The following RSPO2 variants were observed in gnomAD, a reference collection of about 807,000 sequenced individuals.
RSPO2 encodes R-spondin 2.
In RSPO2, 14 loss-of-function variants were observed where a neutral mutation model predicts 30.9. The ratio of observed to expected loss-of-function variants is 0.45; its 90% CI spans 0.30 to 0.71. The LOEUF (loss-of-function observed/expected upper bound fraction) is 0.71. Among genes scored for constraint, RSPO2 ranks in the 30% least tolerant of loss-of-function variants. The pLI, the probability that RSPO2 is intolerant of heterozygous loss-of-function variation, is 0.08. For synonymous variants in RSPO2, 107 were observed against 96.4 expected (o/e 1.11, Z -0.64); for missense variants, 264 against 301.9 (o/e 0.87, Z 0.93).
chr8:107,932,932 TG>T (rs1427559209), intron 5 of RSPO2, among the ~76,000 whole-genome samples: 1 of 152,132 alleles, frequency 6.6e-6, no homozygotes, highest in Non-Finnish European at 1.5e-5. Context: ...AAAACTTTGA[TG>T]TACTAGAAGG....
At chr8:107,961,653 G>A (rs1280146475) in intron 3 of RSPO2, among the ~76,000 whole-genome samples, 6 of 152,096 alleles carry the variant, frequency 3.9e-5, no homozygotes. Context: ...TGTAACTTTA[G>A]ACAACTATAT....
intron 3 of RSPO2, among the ~76,000 whole-genome samples, chr8:107,969,340 C>CA (rs1813921008): frequency 6.6e-6 from 1 of 151,988 alleles, no homozygotes; most frequent in Admixed American, 6.6e-5. Flanking sequence ...TATATGCTGT[C>CA]AAAAAATGTA....
intron 2 of RSPO2, among the ~76,000 whole-genome samples, chr8:108,066,409 G>A (rs1398717864): frequency 6.6e-6 from 1 of 151,970 alleles, no homozygotes; most frequent in Non-Finnish European, 1.5e-5. Context: ...CAGGTTTCCA[G>A]AAGGTTTGCA....
rs1242607698 is a variant in RSPO2, at chr8:107,975,965, G to A, written c.283+13091C>T. ...GTCCACCCCATCAAGTGACGGCCAG[G>A]GTATTAACCAGCTGGTAGCCACTCC... is the stretch of plus-strand genomic sequence containing the variant. On this transcript the variant is annotated intron_variant, in intron 3 of 5. Transcript: ENST00000276659. Among the ~76,000 whole-genome samples, 5 of 152,170 alleles carry A rather than the reference G, an allele frequency of 3.3e-5. No homozygotes were observed. In the East Asian group the frequency reaches 9.6e-4, roughly 29 times the overall value.
At chr8:107,974,364 T>C (rs538588591) in intron 3 of RSPO2, among the ~76,000 whole-genome samples, 1 of 151,598 alleles carries the variant, frequency 6.6e-6, no homozygotes, top group East Asian at 1.9e-4. Flanking sequence ...AAAGAAAAAT[T>C]AGCTGGGCAT....
At chr8:107,915,119 T>C (rs1811939540) in intron 5 of RSPO2, among the ~76,000 whole-genome samples, 1 of 152,198 alleles carries the variant, frequency 6.6e-6, no homozygotes, top group Non-Finnish European at 1.5e-5. Flanking sequence ...ATCTAAAATA[T>C]ACTTTTCCAT....
Position 107,900,954 on chromosome 8 carries a change from A to G in RSPO2, c.*121T>C, listed in dbSNP as rs930318600. On this transcript the variant is annotated 3_prime_UTR_variant, in exon 6 of 6. Coordinates refer to ENST00000276659, the MANE Select transcript of RSPO2 (RefSeq NM_178565.5). Reference sequence around the variant, plus strand: ...TGGTGGTGCTTCCTTTCACCATGTTACTGGGAACAGATACTGGGCAGAGCA... The same window carrying G: ...TGGTGGTGCTTCCTTTCACCATGTTGCTGGGAACAGATACTGGGCAGAGCA... The G allele has an allele frequency of 1.2e-5, 12 of 1,016,344 alleles. No homozygotes were observed. The East Asian group carries it at 2.0e-4, about 17-fold the overall frequency. The allele number at this position is 1,016,344 out of a possible 1,614,324, so 63.0% of individuals were successfully genotyped here. A position where few individuals can be genotyped will look rare whatever the true frequency, so the allele number is the denominator to read the frequency against.
chr8:107,981,600 A>T (rs1367207709), intron 3 of RSPO2, among the ~76,000 whole-genome samples: 1 of 152,178 alleles, frequency 6.6e-6, no homozygotes, highest in Non-Finnish European at 1.5e-5. Context: ...ATTCTTTAAA[A>T]ACACCTAAAT....
At chr8:108,036,106 C>T (rs760443020) in intron 2 of RSPO2, among the ~76,000 whole-genome samples, 5 of 152,058 alleles carry the variant, frequency 3.3e-5, no homozygotes, top group Non-Finnish European at 7.4e-5. Context: ...TTCCTTCATG[C>T]CAGGTAAACT....
In RSPO2 at chr8:107,957,970, T is replaced by A; in HGVS notation, c.616+110A>T. ...CAAAACTTTATCCCCTCACCAATAT[T>A]ATTGGGTTTCCTTCAAAGATAAATA... On this transcript the variant is annotated intron_variant, in intron 5 of 5. Coordinates refer to ENST00000276659, the MANE Select transcript of RSPO2 (RefSeq NM_178565.5). The A allele has an allele frequency of 6.8e-6, 5 of 738,474 alleles. No individual in the cohort carries two copies. The Admixed American group carries it at 1.3e-4, about 19-fold the overall frequency. 45.7% of individuals were successfully genotyped at this position (738,474 alleles called of 1,614,324 possible).
chr8:107,977,371 A>T (rs972459141), intron 3 of RSPO2, among the ~76,000 whole-genome samples: 2 of 152,214 alleles, frequency 1.3e-5, no homozygotes, highest in Non-Finnish European at 2.9e-5. Flanking sequence ...AGATCTACTG[A>T]ATCAGAAACT....
intron 3 of RSPO2, among the ~76,000 whole-genome samples, chr8:107,972,960 A>G (rs1424597251): frequency 6.6e-6 from 1 of 152,140 alleles, no homozygotes; most frequent in Admixed American, 6.5e-5. Context: ...AAACACTTAA[A>G]CTGACCATTT....
At chr8:107,948,882 T>TAAAA (rs778460028) in intron 5 of RSPO2, among the ~76,000 whole-genome samples, 2 of 149,258 alleles carry the variant, frequency 1.3e-5, no homozygotes, top group Non-Finnish European at 3.0e-5. Flanking sequence ...AATAAATAAA[T>TAAAA]AAATAAAAAT....
rs114287146 is a variant in RSPO2 at position 107,980,698 on chromosome 8, C to T, written c.283+8358G>A. Among the ~76,000 whole-genome samples the T allele has an allele frequency of 5.3e-3, 804 of 152,198 alleles. 6 individuals carry two copies. Among genetic ancestry groups the T allele is most frequent in the African/African-American group, 0.019 (778 of 41,502 alleles). ...CTCATGCTCATGCATTTCCTCTAAA[C>T]CTAGAATGCCCCTAACTCTTAACAG... On this transcript the variant is annotated intron_variant, in intron 3 of 5. Coordinates refer to ENST00000276659, the MANE Select transcript of RSPO2 (RefSeq NM_178565.5).
At chr8:107,959,746 T>C (rs1813556683) in intron 4 of RSPO2, among the ~76,000 whole-genome samples, 1 of 152,208 alleles carries the variant, frequency 6.6e-6, no homozygotes. Context: ...TAGTGGTGCC[T>C]ATAAAATGTA....
rs141805678 is a variant in RSPO2 at position 108,046,664 on chromosome 8, C to T, written c.94+35881G>A. On this transcript the variant is annotated intron_variant, in intron 2 of 5. Coordinates refer to ENST00000276659, the MANE Select transcript of RSPO2 (RefSeq NM_178565.5). ...ACAAAAAAAACTGCTCTATTAACTA[C>T]ACAGGCACACCCGTGGTTTGAAACA... Among the ~76,000 whole-genome samples, 50 of 152,248 alleles carry T rather than the reference C, an allele frequency of 3.3e-4. 1 individual carries two copies. The East Asian group carries it at 8.3e-3, about 25-fold the overall frequency.
intron 2 of RSPO2, among the ~76,000 whole-genome samples, chr8:108,010,840 G>A (rs1810681320): frequency 6.6e-6 from 1 of 152,142 alleles, no homozygotes; most frequent in African/African-American, 2.4e-5. Context: ...TCATTAACAA[G>A]ACACAAGATT....
intron 3 of RSPO2, among the ~76,000 whole-genome samples, chr8:107,984,327 T>C (rs1814555251): frequency 6.6e-6 from 1 of 152,252 alleles, no homozygotes; most frequent in African/African-American, 2.4e-5. Flanking sequence ...TATAATGCCA[T>C]AAATGATAAT....
intron 2 of RSPO2, among the ~76,000 whole-genome samples, chr8:108,053,852 T>C (rs1812151980): frequency 6.6e-6 from 1 of 152,148 alleles, no homozygotes; most frequent in South Asian, 2.1e-4. Flanking sequence ...GAATACCATA[T>C]ACTTAAGAGT....
Sources: allele counts gnomAD v4.1 joint callset (sites outside exome capture counted in the v4.1 genomes callset), GRCh38; gene constraint gnomAD v4.1.1; transcripts MANE v1.5; gene names NCBI Gene and HGNC (gene_info 2026-07-23, HGNC 2026-07-21).